Variants in MTURN observed in about 807,000 individuals in gnomAD.
The protein encoded by MTURN is maturin.
A neutral mutation model predicts 14.9 loss-of-function variants in MTURN; 7 were observed. The observed-to-expected ratio is 0.47, with a 90% confidence interval of 0.27 to 0.88. The LOEUF (loss-of-function observed/expected upper bound fraction) is 0.88, where lower values mean the gene tolerates loss of function less well. Among genes scored for constraint, MTURN ranks in the 40% least tolerant of loss-of-function variants. MTURN has a pLI of 0.14. For missense variants in MTURN, 151 were observed against 174.1 expected (o/e 0.87, Z 0.75); for synonymous variants, 69 against 72.5 (o/e 0.95, Z 0.25).
rs775593832 is a variant in MTURN at position 30,161,761 on chromosome 7, G to A, written c.*4213G>A. On this transcript the variant is annotated 3_prime_UTR_variant, in exon 3 of 3. Transcript: ENST00000324453. ...TGCCATTGCTGATCACCCAGTCTTC[G>A]GAGAAGCCTAAAATTTCTTTGAATT... is the stretch of plus-strand genomic sequence containing the variant. The A allele has an allele frequency of 5.3e-5, 8 of 152,144 alleles. No individual in the cohort carries two copies. Among genetic ancestry groups the A allele is most frequent in the Non-Finnish European group, 1.0e-4 (7 of 68,042 alleles). 9.4% of individuals were successfully genotyped at this position (152,144 alleles called of 1,614,324 possible).
intron 1 of MTURN, chr7:30,141,436 GAAAA>G (rs1383005235): frequency 6.8e-6 from 1 of 147,792 alleles, no homozygotes; most frequent in Admixed American, 6.8e-5. Context: ...AAAAAAAAGA[GAAAA>G]AAAGAAATAT....
intron 2 of MTURN, among the ~76,000 whole-genome samples, chr7:30,152,861 G>A (rs1797232840): frequency 6.6e-6 from 1 of 152,150 alleles, no homozygotes; most frequent in African/African-American, 2.4e-5. Context: ...CTCCAGAGTT[G>A]GCAGCTCTGC....
chr7:30,135,769 GCT>G (rs1192095074), intron 1 of MTURN, among the ~76,000 whole-genome samples: 1 of 152,180 alleles, frequency 6.6e-6, no homozygotes, highest in Non-Finnish European at 1.5e-5. Flanking sequence ...TAGGAATCCC[GCT>G]CCCCTCCGGT....
intron 1 of MTURN, among the ~76,000 whole-genome samples, chr7:30,135,604 G>A (rs1014614786): frequency 2.6e-4 from 39 of 152,288 alleles, no homozygotes; most frequent in Non-Finnish European, 2.9e-4. Context: ...CGCCGTTTCG[G>A]GAACCCGACC....
chr7:30,135,021 A>T lies in MTURN; in HGVS notation c.-116A>T, dbSNP rs1241560371. ...GCATGTAAACAGTCCCAGCCGGCCC[A>T]GCCCGGCCCCGGAGGAGCCCGCGCA... On this transcript the variant is annotated 5_prime_UTR_variant, in exon 1 of 3. Coordinates refer to ENST00000324453, the MANE Select transcript of MTURN (RefSeq NM_152793.3). The T allele has an allele frequency of 2.2e-6, 2 of 921,578 alleles. No individual in the cohort carries two copies. The highest frequency in any genetic ancestry group is 1.6e-4 in the East Asian group (2 of 12,528). 57.1% of individuals were successfully genotyped at this position (921,578 alleles called of 1,614,324 possible). A position where few individuals can be genotyped will look rare whatever the true frequency, so the allele number is the denominator to read the frequency against.
Position 30,157,440 on chromosome 7 carries a change from A to C in MTURN, c.288A>C (p.Leu96Phe). 1 of 1,596,270 alleles carries C rather than the reference A, an allele frequency of 6.3e-7. No homozygotes were observed. Among genetic ancestry groups the C allele is most frequent in the Non-Finnish European group, 8.5e-7 (1 of 1,172,742 alleles). The change falls in exon 3 of 3, where the codon TTA becomes TTC. Residue 96 changes from leucine to phenylalanine, a missense_variant and splice_region_variant. By Grantham distance (22) the Leu-to-Phe change is conservative. Transcript: ENST00000324453. ...LEKVFKSFRP[L>F]LGLPDADDDA... ...TTTCTCTTGTTCTCTCCCTGTAGTT[A>C]CTGGGGCTTCCGGATGCAGATGACG...
Position 30,135,260 on chromosome 7 carries a change from T to A in MTURN, c.124T>A (p.Tyr42Asn). The A allele has an allele frequency of 6.5e-7, 1 of 1,526,742 alleles. No individual in the cohort carries two copies. The highest frequency in any genetic ancestry group is 8.8e-7 in the Non-Finnish European group (1 of 1,135,862). The allele number at this position is 1,526,742 out of a possible 1,614,324, so 94.6% of individuals were successfully genotyped here. Residue 42 changes from tyrosine to asparagine, a missense_variant, in exon 1 of 3, where the codon TAT becomes AAT. By Grantham distance (143) the Tyr-to-Asn change is moderately radical. Transcript: ENST00000324453. The stretch of plus-strand genomic sequence containing the variant: ...CTACGCCGACCCCGGCGTCTCCTTC[T>A]ATGTGCTGTGTCCGGACAACGGCTG... ...DFYADPGVSFYVLCPDNGCGD... is the reference protein window; with the variant it reads ...DFYADPGVSFNVLCPDNGCGD...
intron 1 of MTURN, chr7:30,140,981 C>T (rs1466912065): frequency 6.6e-6 from 1 of 152,214 alleles, no homozygotes; most frequent in East Asian, 1.9e-4. Context: ...GTGCACACTC[C>T]TCCGTTGACA....
chr7:30,154,680 G>A (rs1327113718), intron 2 of MTURN, among the ~76,000 whole-genome samples: 2 of 152,166 alleles, frequency 1.3e-5, no homozygotes, highest in Non-Finnish European at 2.9e-5. Context: ...GGACTCTAGT[G>A]CCAGTGTCTT....
At chr7:30,145,867 A>C (rs1797121437) in intron 1 of MTURN, 9 of 1,551,204 alleles carry the variant, frequency 5.8e-6, no homozygotes, top group Non-Finnish European at 7.8e-6. Flanking sequence ...TAGCCTGCAC[A>C]AGGTGAACAG....
At chr7:30,145,808 T>C in intron 1 of MTURN, 1 of 1,514,952 alleles carries the variant, frequency 6.6e-7, no homozygotes, top group East Asian at 2.5e-5. Context: ...TTAAGGATTT[T>C]GAAGGCAAAG....
At position 30,160,926 on chromosome 7, in the gene MTURN, G is replaced by C. The variant is rs896350334; in HGVS notation, c.*3378G>C. 6.6e-6 allele frequency: 1 copy of C among 152,574 alleles called. No homozygotes were observed. Among genetic ancestry groups the C allele is most frequent in the East Asian group, 1.9e-4 (1 of 5,194 alleles). 9.5% of individuals were successfully genotyped at this position (152,574 alleles called of 1,614,324 possible). ...TGCAATGGAAAAGTCTCTTATGTAG[G>C]GATCCTCCTTGTGTCCTGGTGCCAG... is the stretch of plus-strand genomic sequence containing the variant. On this transcript the variant is annotated 3_prime_UTR_variant, in exon 3 of 3. Transcript: ENST00000324453.
intron 2 of MTURN, among the ~76,000 whole-genome samples, chr7:30,156,292 A>G (rs145310124): frequency 6.6e-6 from 1 of 150,986 alleles, no homozygotes; most frequent in African/African-American, 2.4e-5. Context: ...ATTACCCATA[A>G]TCTCACAATC....
intron 1 of MTURN, among the ~76,000 whole-genome samples, chr7:30,144,081 C>T (rs1797093679): frequency 1.3e-5 from 2 of 152,178 alleles, no homozygotes; most frequent in African/African-American, 2.4e-5. Flanking sequence ...GGTAAGCCCA[C>T]CCCTTCCCCT....
At chr7:30,144,685 G>A (rs1021691850) in intron 1 of MTURN, among the ~76,000 whole-genome samples, 1 of 152,088 alleles carries the variant, frequency 6.6e-6, no homozygotes, top group African/African-American at 2.4e-5. Flanking sequence ...GTATAAAGAT[G>A]GTACATTGGC....
intron 2 of MTURN, among the ~76,000 whole-genome samples, chr7:30,152,206 G>A (rs1459414668): frequency 6.8e-6 from 1 of 147,296 alleles, no homozygotes; most frequent in Non-Finnish European, 1.5e-5. Context: ...CTCTTTTTTA[G>A]AGAGTATGAT....
Position 30,162,193 on chromosome 7 carries a change from G to C in MTURN, c.*4645G>C, listed in dbSNP as rs887247577. 1 of 152,170 alleles carries C rather than the reference G, an allele frequency of 6.6e-6. No homozygotes were observed. Among genetic ancestry groups the C allele is most frequent in the African/African-American group, 2.4e-5 (1 of 41,428 alleles). 9.4% of individuals were successfully genotyped at this position (152,170 alleles called of 1,614,324 possible). On this transcript the variant is annotated 3_prime_UTR_variant, in exon 3 of 3. Coordinates refer to ENST00000324453, the MANE Select transcript of MTURN (RefSeq NM_152793.3). Reference sequence around the variant, plus strand: ...ACTTAGAGCTGTATTCAAGTTGTTTGATACCAGACAGAAAGCTGACAGTCT... The same window carrying C: ...ACTTAGAGCTGTATTCAAGTTGTTTCATACCAGACAGAAAGCTGACAGTCT...
intron 1 of MTURN, among the ~76,000 whole-genome samples, chr7:30,145,203 C>G (rs935145190): frequency 2.0e-5 from 3 of 152,134 alleles, no homozygotes; most frequent in African/African-American, 7.2e-5. Context: ...AAAGCCTTAC[C>G]CAGTCTTCAG....
rs1231657559 is a variant in MTURN, at chr7:30,159,623, CATTCTGTGGGCTGATGAGA to C, written c.*2082_*2100del. On this transcript the variant is annotated 3_prime_UTR_variant, in exon 3 of 3. Coordinates refer to ENST00000324453, the MANE Select transcript of MTURN (RefSeq NM_152793.3). Reference sequence around the variant, plus strand: ...TTGAGTGGAGATAGATAGACTCGGCCATTCTGTGGGCTGATGAGAATTCTGGGCTTTGTTTTGCACCAGG... The same window carrying C: ...TTGAGTGGAGATAGATAGACTCGGCCATTCTGGGCTTTGTTTTGCACCAGG... The C allele has an allele frequency of 6.6e-6, 1 of 152,600 alleles. No homozygotes were observed. Among genetic ancestry groups the C allele is most frequent in the Admixed American group, 6.5e-5 (1 of 15,276 alleles). The allele number at this position is 152,600 out of a possible 1,614,324, so 9.5% of individuals were successfully genotyped here. A position where few individuals can be genotyped will look rare whatever the true frequency, so the allele number is the denominator to read the frequency against.
Sources: allele counts gnomAD v4.1 joint callset (sites outside exome capture counted in the v4.1 genomes callset), GRCh38; gene constraint gnomAD v4.1.1; transcripts MANE v1.5; gene names NCBI Gene and HGNC (gene_info 2026-07-23, HGNC 2026-07-21).